LUZP1: variants seen among roughly 807,000 people sequenced by gnomAD.
The protein encoded by LUZP1 is leucine zipper protein 1.
A neutral mutation model predicts 71.3 loss-of-function variants in LUZP1; 25 were observed. The ratio of observed to expected loss-of-function variants is 0.35; its 90% CI spans 0.26 to 0.49. LUZP1 has a LOEUF of 0.49. Among genes scored for constraint, LUZP1 ranks in the 20% least tolerant of loss-of-function variants. The pLI is 0.99. For synonymous variants in LUZP1, 481 were observed against 506.4 expected (o/e 0.95, Z 0.67); for missense variants, 1,142 against 1,300.8 (o/e 0.88, Z 1.88).
At chr1:23,089,756 CTTT>C (rs10559844) in intron 4 of LUZP1, among the ~76,000 whole-genome samples, 6 of 146,676 alleles carry the variant, frequency 4.1e-5, no homozygotes, top group Non-Finnish European at 6.0e-5. Context: ...CCACACCTGG[CTTT>C]TTTTTTTTTT....
chr1:23,176,545 A>T (rs886202596), intron 1 of LUZP1, among the ~76,000 whole-genome samples: 14 of 152,192 alleles, frequency 9.2e-5, no homozygotes, highest in African/African-American at 3.1e-4. Flanking sequence ...TCTTGCATAC[A>T]ATTTCAGGGA....
At chr1:23,103,188 C>G (rs572963588) in intron 3 of LUZP1, among the ~76,000 whole-genome samples, 1 of 151,522 alleles carries the variant, frequency 6.6e-6, no homozygotes, top group Non-Finnish European at 1.5e-5. Flanking sequence ...CCTCCCACTT[C>G]GCCCTTCGAG....
chr1:23,165,456 G>A (rs1644502262), intron 2 of LUZP1, among the ~76,000 whole-genome samples: 1 of 150,560 alleles, frequency 6.6e-6, no homozygotes, highest in Non-Finnish European at 1.5e-5. Context: ...AGGATCCCCT[G>A]AACCCAGGAG....
At chr1:23,162,884 G>C (rs1644480064) in intron 2 of LUZP1, 1 of 152,058 alleles carries the variant, frequency 6.6e-6, no homozygotes, top group South Asian at 2.1e-4. Flanking sequence ...TTGAATGAAA[G>C]ATTACCCGGG....
At chr1:23,176,370 C>A (rs1314168360) in intron 1 of LUZP1, among the ~76,000 whole-genome samples, 2 of 152,170 alleles carry the variant, frequency 1.3e-5, no homozygotes, top group African/African-American at 2.4e-5. Flanking sequence ...CAGCCCCCTA[C>A]TTCCTTGACT....
chr1:23,172,932 C>T (rs948200198), intron 1 of LUZP1, among the ~76,000 whole-genome samples: 1 of 151,860 alleles, frequency 6.6e-6, no homozygotes, highest in African/African-American at 2.4e-5. Flanking sequence ...AAGCAATTCT[C>T]CTTCCCCAGC....
In LUZP1 at chr1:23,094,002, T is replaced by A. The variant is rs1643879309; in HGVS notation, c.260A>T (p.Asp87Val). ...TTTCTCCTTCATCAGACGACACAGATCCTCTGCTCTCTTAATTTCCTCGTC... is the reference window on the plus strand; with the variant it reads ...TTTCTCCTTCATCAGACGACACAGAACCTCTGCTCTCTTAATTTCCTCGTC... The change falls in exon 4 of 5, where the codon GAT becomes GTT. Residue 87 changes from aspartate (D) to valine (V), a missense_variant. Physicochemically the swap from Asp to Val is radical, Grantham distance 152. Transcript: ENST00000302291. The surrounding 1 kb of genome is among the most constrained non-coding windows in gnomAD (Gnocchi z 4.7). The A allele has an allele frequency of 6.2e-7, 1 of 1,614,202 alleles. No homozygotes were observed. Among genetic ancestry groups the A allele is most frequent in the Non-Finnish European group, 8.5e-7 (1 of 1,180,034 alleles).
chr1:23,159,352 T>A (rs1454081425), intron 2 of LUZP1, among the ~76,000 whole-genome samples: 1 of 151,594 alleles, frequency 6.6e-6, no homozygotes, highest in Non-Finnish European at 1.5e-5. Context: ...AAAAAAAAAA[T>A]TTGATTACTG....
chr1:23,162,447 T>A (rs1644475391), intron 2 of LUZP1, among the ~76,000 whole-genome samples: 1 of 152,078 alleles, frequency 6.6e-6, no homozygotes, highest in East Asian at 1.9e-4. Flanking sequence ...CTTTTATTTT[T>A]TTTTTTTTTG....
chr1:23,165,130 AT>A (rs1644499837), intron 2 of LUZP1, among the ~76,000 whole-genome samples: 1 of 152,174 alleles, frequency 6.6e-6, no homozygotes, highest in South Asian at 2.1e-4. Context: ...AAGTTGGCAC[AT>A]TAACACTCTA....
exon 4 of LUZP1, chr1:23,092,278 C>T (rs1643865059): frequency 6.2e-7 from 1 of 1,614,050 alleles, no homozygotes; most frequent in African/African-American, 1.3e-5. Flanking sequence ...ATGTCCAAGT[C>T]ATCATCTGAG....
At chr1:23,169,971 T>TAC (rs35087847) in intron 1 of LUZP1, among the ~76,000 whole-genome samples, 8,946 of 149,224 alleles carry the variant, frequency 0.06, 710 homozygotes, top group African/African-American at 0.19. Flanking sequence ...TTCCTACCTT[T>TAC]ACACACACAC....
intron 2 of LUZP1, among the ~76,000 whole-genome samples, chr1:23,148,777 G>C (rs1270018023): frequency 2.0e-5 from 3 of 151,746 alleles, no homozygotes; most frequent in Non-Finnish European, 4.4e-5. Context: ...AATCTAACAA[G>C]CATTTACCAA....
chr1:23,091,961 T>A, exon 4 of LUZP1: 1 of 1,614,176 alleles, frequency 6.2e-7, no homozygotes, highest in South Asian at 1.1e-5. Context: ...CTCCCATGAT[T>A]TTTTTCACAT....
intron 2 of LUZP1, among the ~76,000 whole-genome samples, chr1:23,166,091 T>G (rs575978534): frequency 6.7e-6 from 1 of 150,040 alleles, no homozygotes; most frequent in South Asian, 2.1e-4. Flanking sequence ...ACACTTCAAG[T>G]GCATATTTAC....
chr1:23,164,976 C>T (rs1188983275), intron 2 of LUZP1, among the ~76,000 whole-genome samples: 1 of 152,166 alleles, frequency 6.6e-6, no homozygotes, highest in Non-Finnish European at 1.5e-5. Flanking sequence ...AACTTTTTCC[C>T]CAAAATGTAT....
At chr1:23,116,584 TA>T (rs71848574) in intron 2 of LUZP1, among the ~76,000 whole-genome samples, 199 of 132,566 alleles carry the variant, frequency 1.5e-3, no homozygotes, top group Middle Eastern at 7.6e-3. Flanking sequence ...ACTGGACTGT[TA>T]AAAAAAAAAA....
At chr1:23,142,831 G>A (rs1644315742) in intron 2 of LUZP1, among the ~76,000 whole-genome samples, 1 of 151,364 alleles carries the variant, frequency 6.6e-6, no homozygotes, top group Admixed American at 6.6e-5. Flanking sequence ...TATGGATCAG[G>A]GAAGGTCTCA....
rs566489564 is a variant in LUZP1, at chr1:23,117,958, C to T, written c.-225-8831G>A. Among the ~76,000 whole-genome samples the T allele has an allele frequency of 1.7e-3, 252 of 152,080 alleles. 2 individuals are homozygous for T. The highest frequency in any genetic ancestry group is 3.4e-3 in the Middle Eastern group (1 of 294). On this transcript the variant is annotated intron_variant, in intron 2 of 4. Transcript: ENST00000302291. The stretch of plus-strand genomic sequence containing the variant: ...TACAAAAATTAGCCAGGCGTGGTGG[C>T]GTACGCCTGTAGTCCCAGCTAATCA...
Sources: allele counts gnomAD v4.1 joint callset (sites outside exome capture counted in the v4.1 genomes callset), GRCh38; gene constraint gnomAD v4.1.1; non-coding constraint Gnocchi (gnomAD v3.1); transcripts MANE v1.5; gene names NCBI Gene and HGNC (gene_info 2026-07-23, HGNC 2026-07-21).